VMP1: variants seen among roughly 807,000 people sequenced by gnomAD.
VMP1 encodes ectopic P-granules autophagy protein 3 homolog.
In VMP1, 11 loss-of-function variants were observed where a neutral mutation model predicts 56.0. The observed-to-expected ratio is 0.20, with a 90% CI of 0.12 to 0.32. The LOEUF (loss-of-function observed/expected upper bound fraction) is 0.32, where lower values mean the gene tolerates loss of function less well. Ranked by LOEUF, VMP1 falls within the 10% of genes least tolerant of loss-of-function variation. VMP1 has a pLI of 1.00. For synonymous variants in VMP1, 149 were observed against 165.0 expected, an observed-to-expected ratio of 0.90 and a Z score of 0.74; for missense variants, 296 against 490.3, an observed-to-expected ratio of 0.60 and a Z score of 3.74.
chr17:59,737,853 T>G (rs1457472619), intron 4 of VMP1, among the ~76,000 whole-genome samples: 1 of 152,000 alleles, frequency 6.6e-6, no homozygotes, highest in African/African-American at 2.4e-5. Flanking sequence ...CACTGCAACC[T>G]CTGCCTCCTG....
intron 1 of VMP1, among the ~76,000 whole-genome samples, chr17:59,714,005 C>G (rs1165846480): frequency 6.9e-6 from 1 of 143,982 alleles, no homozygotes; most frequent in Non-Finnish European, 1.5e-5. Flanking sequence ...CGTGCCACTG[C>G]ACTCCAACCT....
intron 1 of VMP1, chr17:59,707,968 C>T (rs2033745154): frequency 6.6e-6 from 1 of 152,218 alleles, no homozygotes; most frequent in Admixed American, 6.5e-5. Context: ...GTTGGTCACC[C>T]GGACATTGAA....
intron 7 of VMP1, among the ~76,000 whole-genome samples, chr17:59,786,531 T>C (rs535584632): frequency 6.6e-6 from 1 of 152,348 alleles, no homozygotes; most frequent in East Asian, 1.9e-4. Flanking sequence ...TAGTACCATT[T>C]GAAGACTCTG....
chr17:59,790,000 C>T (rs367624315), intron 7 of VMP1, among the ~76,000 whole-genome samples: 1 of 151,782 alleles, frequency 6.6e-6, no homozygotes, highest in African/African-American at 2.4e-5. Flanking sequence ...CCACCATGCC[C>T]GGCTGTTTTT....
At chr17:59,765,650 C>A (rs986289732) in intron 6 of VMP1, among the ~76,000 whole-genome samples, 1 of 152,038 alleles carries the variant, frequency 6.6e-6, no homozygotes, top group Non-Finnish European at 1.5e-5. Context: ...GGAAACGGAT[C>A]ATCATTTCCA....
intron 2 of VMP1, among the ~76,000 whole-genome samples, chr17:59,733,471 G>T (rs957202106): frequency 1.3e-5 from 2 of 151,634 alleles, no homozygotes; most frequent in Non-Finnish European, 2.9e-5. Context: ...GCGGAGGTGC[G>T]TGGATCACTT....
intron 5 of VMP1, among the ~76,000 whole-genome samples, chr17:59,749,947 C>G (rs1350012069): frequency 2.0e-5 from 3 of 152,114 alleles, no homozygotes; most frequent in Admixed American, 2.0e-4. Flanking sequence ...CTGTTGTATT[C>G]CAACTGTCTA....
intron 7 of VMP1, among the ~76,000 whole-genome samples, chr17:59,806,299 A>G (rs1453424858): frequency 6.6e-6 from 1 of 152,224 alleles, no homozygotes; most frequent in Admixed American, 6.5e-5. Context: ...ATATTCTTAT[A>G]TGGTTTTAAA....
At chr17:59,769,334 A>G (rs2144013795) in intron 6 of VMP1, among the ~76,000 whole-genome samples, 1 of 151,534 alleles carries the variant, frequency 6.6e-6, no homozygotes, top group South Asian at 2.1e-4. Flanking sequence ...TTGTATTTTT[A>G]GTAGAGACAG....
chr17:59,745,943 C>T (rs1222920401), intron 5 of VMP1, among the ~76,000 whole-genome samples: 2 of 152,108 alleles, frequency 1.3e-5, no homozygotes, highest in Non-Finnish European at 2.9e-5. Context: ...TTTTTTTCTG[C>T]ATAGGCAAAA....
At chr17:59,812,121 C>T (rs2038071581) in intron 9 of VMP1, among the ~76,000 whole-genome samples, 2 of 152,202 alleles carry the variant, frequency 1.3e-5, no homozygotes, top group Admixed American at 6.5e-5. Flanking sequence ...TTTATATACA[C>T]AGCCCAAAAA....
intron 7 of VMP1, among the ~76,000 whole-genome samples, chr17:59,805,072 C>CA (rs2037801463): frequency 6.6e-6 from 1 of 152,136 alleles, no homozygotes; most frequent in African/African-American, 2.4e-5. Flanking sequence ...TAAAAAGGCA[C>CA]TTTACTTGTT....
At chr17:59,747,933 A>C (rs1332246494) in intron 5 of VMP1, among the ~76,000 whole-genome samples, 1 of 151,284 alleles carries the variant, frequency 6.6e-6, no homozygotes. Context: ...GCGGTGGCTC[A>C]CGCCTGTAAT....
intron 5 of VMP1, among the ~76,000 whole-genome samples, chr17:59,740,090 G>C (rs1025473376): frequency 6.7e-6 from 1 of 149,322 alleles, no homozygotes; most frequent in African/African-American, 2.5e-5. Flanking sequence ...AAAAAAAAAA[G>C]AAAAAGAAAA....
chr17:59,747,726 TA>T (rs916276758), intron 5 of VMP1, among the ~76,000 whole-genome samples: 34 of 149,190 alleles, frequency 2.3e-4, no homozygotes, highest in East Asian at 7.9e-4. Context: ...CCCATTTCTT[TA>T]AAAAAAAAAT....
At chr17:59,738,476 C>T (rs1015825509) in intron 4 of VMP1, among the ~76,000 whole-genome samples, 8 of 152,102 alleles carry the variant, frequency 5.3e-5, no homozygotes, top group Non-Finnish European at 1.2e-4. Flanking sequence ...TACTGCTAAT[C>T]ACAGAGAAGT....
At position 59,808,785 on chromosome 17, in the gene VMP1, C is replaced by T. The variant is rs778076355; in HGVS notation, c.715-11C>T. On this transcript the variant is annotated splice_polypyrimidine_tract_variant and intron_variant, in intron 7 of 11. Transcript: ENST00000262291. ...CTTCTCATTAATGTTTCTAAATTTG[C>T]CTTTTTACAGGACTTTGCCTCCCGG... 8.1e-6 allele frequency: 13 copies of T among 1,610,930 alleles called. No individual in the cohort carries two copies. Among genetic ancestry groups the T allele is most frequent in the Non-Finnish European group, 1.0e-5 (12 of 1,178,572 alleles).
At chr17:59,761,701 A>C (rs1462007683) in intron 5 of VMP1, among the ~76,000 whole-genome samples, 1 of 152,160 alleles carries the variant, frequency 6.6e-6, no homozygotes. Context: ...ATCCCCAGTA[A>C]TTATTCTTTT....
chr17:59,749,987 A>G (rs1400920283), intron 5 of VMP1, among the ~76,000 whole-genome samples: 1 of 152,198 alleles, frequency 6.6e-6, no homozygotes, highest in African/African-American at 2.4e-5. Flanking sequence ...ATAGGTGCTC[A>G]ACAAATATAT....
Sources: gnomAD v4.1 joint callset for allele counts (sites outside exome capture counted in the v4.1 genomes callset) on GRCh38, gnomAD v4.1.1 for gene constraint, MANE v1.5 for transcripts, NCBI Gene and HGNC (gene_info 2026-07-23, HGNC 2026-07-21) for gene names.